Variants in KLHL20 observed in about 807,000 individuals in gnomAD.
The protein encoded by KLHL20 is kelch like family member 20, also known as kelch-like protein 20.
KLHL20 carries 29 observed loss-of-function variants against 69.5 expected under a neutral mutation model. The ratio of observed to expected loss-of-function variants is 0.42; its 90% confidence interval spans 0.31 to 0.57. KLHL20 has a LOEUF of 0.57. Among genes scored for constraint, KLHL20 ranks in the 20% least tolerant of loss-of-function variants. The probability of loss-of-function intolerance (pLI) is 0.18; values close to 1 mark genes in which losing one functional copy is unlikely to be tolerated. For missense variants in KLHL20, 419 were observed against 776.0 expected, an observed-to-expected ratio of 0.54 and a Z score of 5.47; for synonymous variants, 253 against 265.2, an observed-to-expected ratio of 0.95 and a Z score of 0.45.
intron 2 of KLHL20, among the ~76,000 whole-genome samples, chr1:173,716,818 C>T (rs532156874): frequency 6.6e-6 from 1 of 152,236 alleles, no homozygotes; most frequent in South Asian, 2.1e-4. Context: ...AGAGAAGAAA[C>T]ATTTTATAAT....
intron 7 of KLHL20, among the ~76,000 whole-genome samples, chr1:173,758,860 G>A (rs146238663): frequency 6.6e-6 from 1 of 152,186 alleles, no homozygotes; most frequent in African/African-American, 2.4e-5. Context: ...TTTGAACAGG[G>A]TGAGAAGCCT....
intron 8 of KLHL20, among the ~76,000 whole-genome samples, chr1:173,768,216 G>T (rs1413995239): frequency 6.6e-6 from 1 of 152,064 alleles, no homozygotes; most frequent in Admixed American, 6.5e-5. Context: ...GGGAAATCTA[G>T]GTGGGCTGCC....
Position 173,785,352 on chromosome 1 carries a change from C to A in KLHL20, c.*105C>A. The A allele has an allele frequency of 1.6e-6, 1 of 624,362 alleles. No homozygotes were observed. 38.7% of individuals were successfully genotyped at this position (624,362 alleles called of 1,614,324 possible). ...ACATTAGAACAAATTTTATTATTTG[C>A]CGGTGCCTCAACAAATGGAAATACA... On this transcript the variant is annotated 3_prime_UTR_variant, in exon 12 of 12. Coordinates refer to ENST00000209884, the MANE Select transcript of KLHL20 (RefSeq NM_014458.4).
intron 3 of KLHL20, among the ~76,000 whole-genome samples, chr1:173,740,177 A>G (rs1672733408): frequency 7.0e-6 from 1 of 143,500 alleles, no homozygotes; most frequent in Non-Finnish European, 1.5e-5. Context: ...GCTGGAGTGC[A>G]GTGGCGCGAT....
chr1:173,727,818 A>C (rs1336156377), intron 2 of KLHL20, among the ~76,000 whole-genome samples: 1 of 152,166 alleles, frequency 6.6e-6, no homozygotes, highest in Non-Finnish European at 1.5e-5. Context: ...AAATACCATC[A>C]AGGCTAGGAA....
chr1:173,738,471 T>C (rs781383584), intron 3 of KLHL20, among the ~76,000 whole-genome samples: 1 of 152,184 alleles, frequency 6.6e-6, no homozygotes, highest in Non-Finnish European at 1.5e-5. Context: ...CACCTGGTCC[T>C]GGATGCCCTT....
intron 3 of KLHL20, among the ~76,000 whole-genome samples, chr1:173,734,776 T>C (rs1672447366): frequency 6.6e-6 from 1 of 152,210 alleles, no homozygotes; most frequent in African/African-American, 2.4e-5. Context: ...TTTGTAAAGC[T>C]ACTATGTTTC....
intron 2 of KLHL20, among the ~76,000 whole-genome samples, chr1:173,731,922 G>T (rs1005459098): frequency 1.3e-5 from 2 of 152,064 alleles, no homozygotes; most frequent in Admixed American, 6.5e-5. Flanking sequence ...TAACGGCTGG[G>T]CACAGTGGCT....
intron 8 of KLHL20, 57 bp downstream of exon 8, chr1:173,766,346 T>G (rs988169482): frequency 1.0e-5 from 15 of 1,457,356 alleles, no homozygotes; most frequent in Non-Finnish European, 1.4e-5. Flanking sequence ...ATAGAGCTCT[T>G]TAAAAGAAAA....
Position 173,734,085 on chromosome 1 carries a change from A to C in KLHL20, c.396A>C (p.Thr132=), listed in dbSNP as rs1332798629. Residue 132 remains threonine (T), a synonymous_variant, in exon 3 of 12, where the codon ACA becomes ACC. Coordinates refer to ENST00000209884, the MANE Select transcript of KLHL20 (RefSeq NM_014458.4). ...LIDFAYTSQI[T]VEEGNVQTLL... ...ACTTTGCGTATACCTCCCAGATAACAGTAGAAGAGGGCAATGTTCAGACTC... is the reference window on the plus strand; with the variant it reads ...ACTTTGCGTATACCTCCCAGATAACCGTAGAAGAGGGCAATGTTCAGACTC... 1 of 1,614,214 alleles carries C rather than the reference A, an allele frequency of 6.2e-7. No homozygotes were observed. Among genetic ancestry groups the C allele is most frequent in the Non-Finnish European group, 8.5e-7 (1 of 1,180,036 alleles).
intron 10 of KLHL20, among the ~76,000 whole-genome samples, chr1:173,781,319 T>A (rs1648862226): frequency 6.6e-6 from 1 of 151,920 alleles, no homozygotes; most frequent in Non-Finnish European, 1.5e-5. Context: ...TTGTTTTGGT[T>A]TTAGGAGATT....
chr1:173,766,090 C>G, intron 7 of KLHL20, 56 bp from the exon 8 acceptor site: 1 of 1,394,692 alleles, frequency 7.2e-7, no homozygotes, highest in South Asian at 1.7e-5. Context: ...AATATGTAAA[C>G]ATAGCCAAGC....
At chr1:173,730,497 G>T (rs1380048241) in intron 2 of KLHL20, among the ~76,000 whole-genome samples, 1 of 152,038 alleles carries the variant, frequency 6.6e-6, no homozygotes, top group East Asian at 1.9e-4. Flanking sequence ...AACCAAAACA[G>T]CATGGTACTG....
At chr1:173,730,429 A>G (rs1263987889) in intron 2 of KLHL20, among the ~76,000 whole-genome samples, 15 of 152,056 alleles carry the variant, frequency 9.9e-5, no homozygotes. Context: ...CTAAGCCAAA[A>G]GAACAAAGCT....
At chr1:173,767,064 C>T (rs1647780975) in intron 8 of KLHL20, among the ~76,000 whole-genome samples, 1 of 152,162 alleles carries the variant, frequency 6.6e-6, no homozygotes, top group Non-Finnish European at 1.5e-5. Flanking sequence ...CTGCCCCTCA[C>T]CTTGCCAGCC....
chr1:173,768,772 C>T lies in KLHL20; in HGVS notation c.1295+2483C>T, dbSNP rs2102524356. 2.0e-5 allele frequency among the ~76,000 whole-genome samples: 3 copies of T among 152,252 alleles called. 1 individual carries two copies. The highest frequency in any genetic ancestry group is 4.4e-5 in the Non-Finnish European group (3 of 68,016). ...GTGTGTTTTACCACAATTTAAAAAT[C>T]AGAACCTGTGAACAAAATTTAACAC... On this transcript the variant is annotated intron_variant, in intron 8 of 11. Transcript: ENST00000209884.
chr1:173,772,109 A>G (rs1016417815), intron 8 of KLHL20, among the ~76,000 whole-genome samples: 1 of 152,236 alleles, frequency 6.6e-6, no homozygotes, highest in Admixed American at 6.5e-5. Flanking sequence ...TAGCTTGTCA[A>G]CTGAGAAAGC....
At chr1:173,747,892 TAA>T (rs143452132) in intron 3 of KLHL20, among the ~76,000 whole-genome samples, 1 of 136,812 alleles carries the variant, frequency 7.3e-6, no homozygotes. Context: ...AAGAGCTCTT[TAA>T]AAAAAAAAAA....
chr1:173,751,098 T>G (rs1673292404), intron 3 of KLHL20, among the ~76,000 whole-genome samples: 1 of 152,196 alleles, frequency 6.6e-6, no homozygotes, highest in African/African-American at 2.4e-5. Flanking sequence ...CGTTGCACCC[T>G]GTCCCTTTTA....
Sources: gnomAD v4.1 joint callset for allele counts (sites outside exome capture counted in the v4.1 genomes callset) on GRCh38, gnomAD v4.1.1 for gene constraint, MANE v1.5 for transcripts, NCBI Gene and HGNC (gene_info 2026-07-23, HGNC 2026-07-21) for gene names.